The following EVL variants were observed in gnomAD, a reference collection of about 807,000 sequenced individuals.
EVL encodes ena/VASP-like protein.
EVL carries 21 observed loss-of-function variants against 59.6 expected under a neutral mutation model. The observed-to-expected ratio is 0.35, with a 90% CI of 0.25 to 0.51. EVL has a LOEUF of 0.51. Among genes scored for constraint, EVL ranks in the 20% least tolerant of loss-of-function variants. The probability of loss-of-function intolerance (pLI) is 0.97; values close to 1 mark genes in which losing one functional copy is unlikely to be tolerated. For synonymous variants in EVL, 198 were observed against 203.5 expected (o/e 0.97, Z 0.23); for missense variants, 462 against 546.6 (o/e 0.85, Z 1.54).
intron 11 of EVL, chr14:100,139,684 C>G (rs1161599453): frequency 6.6e-6 from 1 of 152,354 alleles, no homozygotes; most frequent in East Asian, 1.9e-4. Context: ...GTGGGCAACA[C>G]TGGTCCTCAG....
At chr14:100,041,102 A>G (rs2061461042) in intron 1 of EVL, among the ~76,000 whole-genome samples, 1 of 152,218 alleles carries the variant, frequency 6.6e-6, no homozygotes, top group African/African-American at 2.4e-5. Context: ...AAACAGTGGC[A>G]TTGTTGATAC....
Position 100,143,875 on chromosome 14 carries a change from G to A in EVL, c.*137G>A. The A allele has an allele frequency of 2.0e-6, 2 of 1,019,204 alleles. No individual in the cohort carries two copies. Among genetic ancestry groups the A allele is most frequent in the Non-Finnish European group, 2.9e-6 (2 of 699,154 alleles). 63.1% of individuals were successfully genotyped at this position (1,019,204 alleles called of 1,614,324 possible). A position where few individuals can be genotyped will look rare whatever the true frequency, so the allele number is the denominator to read the frequency against. On this transcript the variant is annotated 3_prime_UTR_variant, in exon 14 of 14. Coordinates refer to ENST00000392920, the MANE Select transcript of EVL (RefSeq NM_016337.3). ...GCGCTGCTGTGAAACGTCCTGACCT[G>A]TGATCACACATGACAGTGAGGAAAC...
intron 9 of EVL, 25 bp downstream of exon 9, chr14:100,135,993 C>T: frequency 6.2e-7 from 1 of 1,612,728 alleles, no homozygotes; most frequent in Non-Finnish European, 8.5e-7. Context: ...CCCGCTGACC[C>T]CAGTGAGGCA....
chr14:100,047,114 C>CTATTTTTTTTTTTT (rs1379774654), intron 1 of EVL, among the ~76,000 whole-genome samples: 1 of 95,100 alleles, frequency 1.1e-5, no homozygotes, highest in Non-Finnish European at 2.0e-5. Context: ...GCAGATCTCT[C>CTATTTTTTTTTTTT]TCTCTTTTTT....
chr14:100,086,004 C>T (rs1371627811), intron 2 of EVL, among the ~76,000 whole-genome samples: 2 of 152,198 alleles, frequency 1.3e-5, no homozygotes. Flanking sequence ...TGGCGGGCAC[C>T]TGTAGTCCCA....
Position 100,043,267 on chromosome 14 carries a change from A to G in EVL, c.6-41420A>G, listed in dbSNP as rs112736337. Among the ~76,000 whole-genome samples the G allele has an allele frequency of 1.6e-3, 231 of 145,712 alleles. 1 individual carries two copies. The highest frequency in any genetic ancestry group is 4.8e-3 in the African/African-American group (194 of 40,250). On this transcript the variant is annotated intron_variant, in intron 1 of 13. Transcript: ENST00000402714. Reference sequence around the variant, plus strand: ...TGTGTATATATATATGTGTGTGTGTATATATATATGTGTGTGTGTATATAT... The same window carrying G: ...TGTGTATATATATATGTGTGTGTGTGTATATATATGTGTGTGTGTATATAT...
At chr14:100,113,175 G>A (rs753289555) in intron 3 of EVL, among the ~76,000 whole-genome samples, 4 of 152,074 alleles carry the variant, frequency 2.6e-5, no homozygotes, top group Admixed American at 6.6e-5. Flanking sequence ...AATAGGCAAC[G>A]GCACAGAGGC....
At chr14:100,110,881 C>T (rs937994358) in intron 3 of EVL, among the ~76,000 whole-genome samples, 2 of 151,934 alleles carry the variant, frequency 1.3e-5, no homozygotes, top group Non-Finnish European at 2.9e-5. Context: ...GCGCCATGTG[C>T]CCAGTCAGGG....
intron 1 of EVL, among the ~76,000 whole-genome samples, chr14:100,038,805 T>TGTGTGTGTGTGTGTGTGTGTG (rs1555415165): frequency 6.6e-6 from 1 of 151,032 alleles, no homozygotes. Context: ...TGTGTGTGTG[T>TGTGTGTGTGTGTGTGTGTGTG]TGCTGTAAAG....
chr14:100,124,125 C>T (rs545050095), intron 4 of EVL, among the ~76,000 whole-genome samples: 4 of 152,224 alleles, frequency 2.6e-5, no homozygotes, highest in Non-Finnish European at 5.9e-5. Flanking sequence ...GAGCAGCCTC[C>T]CAAGGTCACA....
Position 100,130,227 on chromosome 14 carries a change from T to A in EVL, c.839+543T>A, listed in dbSNP as rs1375956449. Among the ~76,000 whole-genome samples, 1 of 152,202 alleles carries A rather than the reference T, an allele frequency of 6.6e-6. No individual in the cohort carries two copies. Among genetic ancestry groups the A allele is most frequent in the Non-Finnish European group, 1.5e-5 (1 of 68,016 alleles). On this transcript the variant is annotated intron_variant, in intron 7 of 13. Transcript: ENST00000392920. The surrounding 1 kb of genome is among the most constrained non-coding windows in gnomAD (Gnocchi z 4.8). ...CGGCCGGGCTCTTGGGCCTGAGACC[T>A]GGCCATGTGTGTCTGCTCGCTGCAG...
chr14:100,132,690 A>T (rs748494793), intron 7 of EVL, 29 bp from the exon 8 acceptor site: 49 of 1,612,986 alleles, frequency 3.0e-5, no homozygotes, highest in Non-Finnish European at 4.2e-5. Context: ...TGAGGAGCTG[A>T]TCTGTATCTT....
At chr14:99,993,309 T>G (rs1444615183) in intron 1 of EVL, among the ~76,000 whole-genome samples, 2 of 152,182 alleles carry the variant, frequency 1.3e-5, no homozygotes, top group African/African-American at 4.8e-5. Flanking sequence ...CTGCCCACCT[T>G]GGCCTCCCAA....
chr14:100,075,610 C>T (rs1319826511), intron 1 of EVL, among the ~76,000 whole-genome samples: 2 of 152,174 alleles, frequency 1.3e-5, no homozygotes, highest in Admixed American at 6.5e-5. Context: ...GACGATGGCT[C>T]ACTGAGGAAG....
chr14:99,994,932 GA>G (rs1284315878), intron 1 of EVL, among the ~76,000 whole-genome samples: 1 of 152,106 alleles, frequency 6.6e-6, no homozygotes. Flanking sequence ...ATTCTTATTT[GA>G]CAGTTATTTT....
At chr14:100,059,465 G>A (rs1299552882) in intron 1 of EVL, among the ~76,000 whole-genome samples, 1 of 152,232 alleles carries the variant, frequency 6.6e-6, no homozygotes, top group South Asian at 2.1e-4. Context: ...AGACAGCAGA[G>A]TTCTGTGTAA....
At chr14:100,085,047 G>T in intron 2 of EVL, 192 bp downstream of exon 2, 1 of 553,934 alleles carries the variant, frequency 1.8e-6, no homozygotes, top group South Asian at 2.8e-5. Flanking sequence ...CTGTTTCCTG[G>T]ATTTCACTTT....
chr14:100,049,617 C>T (rs1253610804), intron 1 of EVL, among the ~76,000 whole-genome samples: 2 of 152,190 alleles, frequency 1.3e-5, no homozygotes, highest in Non-Finnish European at 2.9e-5. Context: ...GCATTTGGGG[C>T]ATTTTTAAAC....
intron 11 of EVL, 52 bp from the exon 12 acceptor site, chr14:100,141,128 T>C (rs1181961821): frequency 6.3e-7 from 1 of 1,590,616 alleles, no homozygotes; most frequent in East Asian, 2.2e-5. Flanking sequence ...ACAGCCAGCT[T>C]TCCCCCACAC....
Sources: allele counts gnomAD v4.1 joint callset (sites outside exome capture counted in the v4.1 genomes callset), GRCh38; gene constraint gnomAD v4.1.1; non-coding constraint Gnocchi (gnomAD v3.1); transcripts MANE v1.5; gene names NCBI Gene and HGNC (gene_info 2026-07-23, HGNC 2026-07-21).